Variants in USP44 observed in about 807,000 individuals in gnomAD.
USP44 encodes the protein ubiquitin carboxyl-terminal hydrolase 44.
A neutral mutation model predicts 69.0 loss-of-function variants in USP44; 61 were observed. The ratio of observed to expected loss-of-function variants is 0.88; its 90% CI spans 0.72 to 1.09. The LOEUF (loss-of-function observed/expected upper bound fraction) is 1.09, where lower values mean the gene tolerates loss of function less well. USP44 is among the 50% of genes least tolerant of loss of function. The pLI is 0.00. For missense variants in USP44, 753 were observed against 849.9 expected, an observed-to-expected ratio of 0.89 and a Z score of 1.42; for synonymous variants, 297 against 295.4, an observed-to-expected ratio of 1.01 and a Z score of -0.06.
chr12:95,529,116 G>A (rs2076942022), intron 2 of USP44, 114 bp from the exon 3 acceptor site: 1 of 895,088 alleles, frequency 1.1e-6, no homozygotes, highest in Non-Finnish European at 1.6e-6. Context: ...TGCACCATTA[G>A]GATTCTGAAT....
rs761096459 is a variant in USP44 at position 95,534,149 on chromosome 12, C to T, written c.108G>A (p.Glu36=). 3.1e-6 allele frequency: 5 copies of T among 1,614,184 alleles called. No individual in the cohort carries two copies. Among genetic ancestry groups the T allele is most frequent in the Non-Finnish European group, 3.4e-6 (4 of 1,180,036 alleles). Residue 36 remains glutamate, a synonymous_variant, in exon 2 of 6, where the codon GAG becomes GAA. Transcript: ENST00000258499. ...KWHCVDCNTT[E]SIWACLSCSH... Reference sequence around the variant, plus strand: ...AGCAGCTAAGGCAAGCCCAAATGGACTCGGTCGTGTTGCAGTCCACACAGT... The same window carrying T: ...AGCAGCTAAGGCAAGCCCAAATGGATTCGGTCGTGTTGCAGTCCACACAGT...
At chr12:95,540,684 G>T (rs572813666) in intron 1 of USP44, among the ~76,000 whole-genome samples, 45 of 152,106 alleles carry the variant, frequency 3.0e-4, no homozygotes, top group Admixed American at 9.2e-4. Context: ...TAGGGTTATT[G>T]TTCACTAAGT....
At chr12:95,526,512 C>A (rs1213715546) in intron 3 of USP44, among the ~76,000 whole-genome samples, 2 of 152,128 alleles carry the variant, frequency 1.3e-5, no homozygotes, top group Admixed American at 1.3e-4. Context: ...GCGGAGCTTG[C>A]AGTGAGCCGA....
chr12:95,526,910 T>C (rs1247192719), intron 3 of USP44, among the ~76,000 whole-genome samples: 2 of 152,168 alleles, frequency 1.3e-5, no homozygotes, highest in Non-Finnish European at 2.9e-5. Flanking sequence ...CTTATTCTTT[T>C]TTTTAATTTC....
chr12:95,543,097 AAAGAAAG>A (rs2077444985), intron 1 of USP44, among the ~76,000 whole-genome samples: 2 of 78,428 alleles, frequency 2.6e-5, no homozygotes, highest in African/African-American at 8.9e-5. Context: ...CAAAAAAAAA[AAAGAAAG>A]AAAATAGTAA....
rs150042244 is a variant in USP44, at chr12:95,533,676, C to T, written c.581G>A (p.Arg194Gln). Reference protein sequence around the residue: ...IVVKREVKKRRQELEYQVKAE... With the variant: ...IVVKREVKKRQQELEYQVKAE... ...TTTAACTTGATACTCCAATTCCTGC[C>T]GTCTTTTCTTTACTTCTCTTTTTAC... Residue 194 changes from arginine to glutamine, a missense_variant, in exon 2 of 6, where the codon CGG becomes CAG. Arg to Gln is a conservative substitution (Grantham distance 43). Transcript: ENST00000258499. 7.0e-5 allele frequency: 113 copies of T among 1,613,834 alleles called. No homozygotes were observed. Among genetic ancestry groups the T allele is most frequent in the Middle Eastern group, 1.6e-4 (1 of 6,062 alleles).
chr12:95,532,468 A>G (rs1335900635), intron 2 of USP44, among the ~76,000 whole-genome samples: 3 of 151,856 alleles, frequency 2.0e-5, no homozygotes, highest in Non-Finnish European at 2.9e-5. Flanking sequence ...ACGCCCGGCC[A>G]TGTGCACCAT....
intron 1 of USP44, among the ~76,000 whole-genome samples, chr12:95,550,956 G>A (rs2077713437): frequency 6.6e-6 from 1 of 152,124 alleles, no homozygotes; most frequent in South Asian, 2.1e-4. Context: ...AAGAGCAGAT[G>A]TTTGTAGTTT....
chr12:95,537,359 C>T (rs950020967), intron 1 of USP44, among the ~76,000 whole-genome samples: 5 of 152,028 alleles, frequency 3.3e-5, no homozygotes, highest in Admixed American at 6.5e-5. Flanking sequence ...CACTCTGTCG[C>T]CCAGGCTGGA....
chr12:95,518,275 A>G lies in USP44; in HGVS notation c.2018T>C (p.Leu673Ser). ...CTCAGTAACTCGTTGGGTATAAAAC[A>G]AGATATAAGCTTGAGCCTTGCATAC... ...DEVCKAQAYI[L>S]FYTQRVTENG... The change falls in exon 6 of 6, where the codon TTG becomes TCG. Residue 673 changes from leucine to serine, a missense_variant. Transcript: ENST00000258499. 1 of 1,614,218 alleles carries G rather than the reference A, an allele frequency of 6.2e-7. No individual in the cohort carries two copies. The highest frequency in any genetic ancestry group is 8.5e-7 in the Non-Finnish European group (1 of 1,180,042).
intron 1 of USP44, among the ~76,000 whole-genome samples, chr12:95,544,521 T>C (rs979375362): frequency 2.6e-5 from 4 of 152,156 alleles, no homozygotes; most frequent in South Asian, 4.1e-4. Context: ...GTATGAATAA[T>C]GTAATATAGA....
At chr12:95,519,648 G>T (rs1592659628) in intron 5 of USP44, among the ~76,000 whole-genome samples, 2 of 149,692 alleles carry the variant, frequency 1.3e-5, no homozygotes, top group South Asian at 4.2e-4. Context: ...GTTTCACCGT[G>T]GTCTCGATCT....
At chr12:95,537,774 G>T (rs972680222) in intron 1 of USP44, among the ~76,000 whole-genome samples, 2 of 152,136 alleles carry the variant, frequency 1.3e-5, no homozygotes, top group Non-Finnish European at 2.9e-5. Context: ...TTATTCTGAG[G>T]TTACCTCTGG....
At chr12:95,541,408 T>C (rs11108098) in intron 1 of USP44, among the ~76,000 whole-genome samples, 41,782 of 151,732 alleles carry the variant, frequency 0.28, 5,851 homozygotes, top group Middle Eastern at 0.35. Flanking sequence ...CTGCGCAACA[T>C]AGTGAAACAA....
At chr12:95,527,390 C>T (rs2076875967) in intron 3 of USP44, among the ~76,000 whole-genome samples, 1 of 151,824 alleles carries the variant, frequency 6.6e-6, no homozygotes, top group African/African-American at 2.4e-5. Context: ...CCACTGTGCC[C>T]AGCCCACACT....
chr12:95,538,881 A>G (rs956453457), intron 1 of USP44, among the ~76,000 whole-genome samples: 2 of 152,226 alleles, frequency 1.3e-5, no homozygotes, highest in African/African-American at 2.4e-5. Flanking sequence ...CTGGGTTCAG[A>G]GCACCTCTTT....
chr12:95,526,115 T>C (rs1283985388), intron 3 of USP44, among the ~76,000 whole-genome samples: 1 of 152,198 alleles, frequency 6.6e-6, no homozygotes, highest in Non-Finnish European at 1.5e-5. Flanking sequence ...AGGCCTGTAT[T>C]TGGTAGCTTT....
intron 1 of USP44, among the ~76,000 whole-genome samples, chr12:95,542,681 G>A (rs944706978): frequency 1.1e-4 from 16 of 151,790 alleles, no homozygotes; most frequent in Middle Eastern, 6.8e-3. Flanking sequence ...AGAATCACTT[G>A]AACCCTGGAG....
chr12:95,542,965 G>A (rs1183459374), intron 1 of USP44, among the ~76,000 whole-genome samples: 2 of 149,098 alleles, frequency 1.3e-5, no homozygotes, highest in East Asian at 4.0e-4. Flanking sequence ...GTGGGCGCCT[G>A]TAGTCCCAGC....
Sources: gnomAD v4.1 joint callset for allele counts (sites outside exome capture counted in the v4.1 genomes callset) on GRCh38, gnomAD v4.1.1 for gene constraint, MANE v1.5 for transcripts, NCBI Gene and HGNC (gene_info 2026-07-23, HGNC 2026-07-21) for gene names.